Variants in LINGO2 observed in about 807,000 individuals in gnomAD.
The protein encoded by LINGO2 is leucine-rich repeat and immunoglobulin-like domain-containing nogo receptor-interacting protein 2.
A neutral mutation model predicts 30.6 loss-of-function variants in LINGO2; 14 were observed. The ratio of observed to expected loss-of-function variants is 0.46; its 90% CI spans 0.30 to 0.72. LINGO2 has a LOEUF of 0.72. Ranked by LOEUF, LINGO2 falls within the 30% of genes least tolerant of loss-of-function variation. The pLI, the probability that LINGO2 is intolerant of heterozygous loss-of-function variation, is 0.07. For synonymous variants in LINGO2, 317 were observed against 288.5 expected, an observed-to-expected ratio of 1.10 and a Z score of -1.00; for missense variants, 729 against 751.7, an observed-to-expected ratio of 0.97 and a Z score of 0.35.
At chr9:28,572,252 A>G (rs978106883) in intron 1 of LINGO2, among the ~76,000 whole-genome samples, 15 of 152,048 alleles carry the variant, frequency 9.9e-5, no homozygotes, top group Non-Finnish European at 1.9e-4. Context: ...ATGACTTAAC[A>G]CTATCCTTGG....
chr9:27,986,633 C>A (rs918209475), intron 5 of LINGO2, among the ~76,000 whole-genome samples: 7 of 151,862 alleles, frequency 4.6e-5, no homozygotes, highest in African/African-American at 1.4e-4. Flanking sequence ...GCAGGTCTGA[C>A]TTTGAGGGAA....
intron 1 of LINGO2, among the ~76,000 whole-genome samples, chr9:28,579,061 C>CTTT (rs34468047): frequency 0.067 from 9,997 of 150,040 alleles, 372 homozygotes; most frequent in Middle Eastern, 0.1. Context: ...CATAAGAGCT[C>CTTT]TTTTTTTTTT....
chr9:29,134,254 T>C, the LINGO2 span, among the ~76,000 whole-genome samples: 2 of 152,172 alleles, frequency 1.3e-5, no homozygotes, highest in African/African-American at 4.8e-5. Context: ...ATAAAGGGTA[T>C]ATTCACAGGA....
At chr9:29,033,458 C>A in the LINGO2 span, among the ~76,000 whole-genome samples, 1 of 150,212 alleles carries the variant, frequency 6.7e-6, no homozygotes, top group African/African-American at 2.4e-5. Flanking sequence ...TGCCATTCAA[C>A]ACACGTACGG....
At chr9:28,497,245 G>A (rs926073314) in intron 1 of LINGO2, among the ~76,000 whole-genome samples, 1 of 152,160 alleles carries the variant, frequency 6.6e-6, no homozygotes, top group African/African-American at 2.4e-5. Flanking sequence ...ATAATATCCT[G>A]CAGAGTGTTT....
chr9:28,975,111 G>A, the LINGO2 span, among the ~76,000 whole-genome samples: 65 of 152,142 alleles, frequency 4.3e-4, no homozygotes, highest in Middle Eastern at 3.4e-3. Flanking sequence ...AAAAAGTACC[G>A]AAGAATCACA....
the LINGO2 span, among the ~76,000 whole-genome samples, chr9:28,884,928 A>G: frequency 1.3e-3 from 4 of 3,124 alleles, no homozygotes; most frequent in Non-Finnish European, 3.5e-3. Flanking sequence ...ACTATATATA[A>G]TATTATATAT....
At chr9:28,348,191 G>A (rs1330717607) in intron 3 of LINGO2, among the ~76,000 whole-genome samples, 1 of 152,302 alleles carries the variant, frequency 6.6e-6, no homozygotes, top group East Asian at 1.9e-4. Context: ...CTCCCAGCGT[G>A]AGCGACGCAG....
chr9:28,657,169 C>T (rs1828382038), intron 1 of LINGO2, among the ~76,000 whole-genome samples: 2 of 151,666 alleles, frequency 1.3e-5, no homozygotes, highest in African/African-American at 4.8e-5. Context: ...TTTTTTATTT[C>T]TTTAATTTTG....
At chr9:28,087,130 G>A (rs962776254) in intron 4 of LINGO2, among the ~76,000 whole-genome samples, 2 of 152,040 alleles carry the variant, frequency 1.3e-5, no homozygotes, top group African/African-American at 4.8e-5. Flanking sequence ...AGTCATGTAA[G>A]CTGAGGCCAT....
chr9:27,941,140 A>C, the LINGO2 span: 1 of 152,204 alleles, frequency 6.6e-6, no homozygotes, highest in East Asian at 1.9e-4. Flanking sequence ...TTCATTTTGC[A>C]ATTAAATAGC....
chr9:28,589,797 A>C (rs1021209651), intron 1 of LINGO2, among the ~76,000 whole-genome samples: 3 of 152,056 alleles, frequency 2.0e-5, no homozygotes, highest in Non-Finnish European at 4.4e-5. Context: ...ATTGGAAAAA[A>C]CTACTTTAAA....
intron 2 of LINGO2, among the ~76,000 whole-genome samples, chr9:28,458,879 C>A (rs1401870993): frequency 6.6e-6 from 1 of 152,058 alleles, no homozygotes; most frequent in African/African-American, 2.4e-5. Context: ...AATAGAAAAT[C>A]TACAAAAAGC....
intron 2 of LINGO2, among the ~76,000 whole-genome samples, chr9:28,463,943 T>C (rs1251745678): frequency 3.3e-5 from 5 of 152,144 alleles, no homozygotes; most frequent in Non-Finnish European, 5.9e-5. Context: ...GAGCCTGTTT[T>C]CATCTTAATG....
At chr9:28,408,831 A>G (rs548852684) in intron 2 of LINGO2, among the ~76,000 whole-genome samples, 89 of 152,144 alleles carry the variant, frequency 5.8e-4, no homozygotes, top group South Asian at 5.8e-3. Context: ...TCCATAGTCT[A>G]CAGTCCTCCT....
intron 3 of LINGO2, among the ~76,000 whole-genome samples, chr9:28,347,739 T>C (rs1031679998): frequency 5.3e-5 from 8 of 152,184 alleles, no homozygotes; most frequent in Non-Finnish European, 8.8e-5. Flanking sequence ...CAGGCGTCAT[T>C]ATTATTTTAT....
At chr9:28,302,177 G>A (rs1207794275) in intron 3 of LINGO2, among the ~76,000 whole-genome samples, 2 of 152,122 alleles carry the variant, frequency 1.3e-5, no homozygotes, top group Admixed American at 6.6e-5. Context: ...ACAAGCTAAT[G>A]CAATCAAGTT....
At chr9:28,999,096 A>G in the LINGO2 span, among the ~76,000 whole-genome samples, 3 of 152,114 alleles carry the variant, frequency 2.0e-5, no homozygotes, top group Non-Finnish European at 2.9e-5. Context: ...GTGATCATTT[A>G]TTCCTGAGGG....
At chr9:28,265,321 C>G (rs1328723221) in intron 4 of LINGO2, among the ~76,000 whole-genome samples, 2 of 151,832 alleles carry the variant, frequency 1.3e-5, no homozygotes, top group Non-Finnish European at 2.9e-5. Flanking sequence ...AAATCTGACT[C>G]CCCCATAGCT....
Sources: allele counts gnomAD v4.1 joint callset (sites outside exome capture counted in the v4.1 genomes callset), GRCh38; gene constraint gnomAD v4.1.1; transcripts MANE v1.5; gene names NCBI Gene and HGNC (gene_info 2026-07-23, HGNC 2026-07-21).